Variants in TMEM120B observed in about 807,000 individuals in gnomAD.
The protein encoded by TMEM120B is transmembrane protein 120B.
TMEM120B carries 31 observed loss-of-function variants against 55.5 expected under a neutral mutation model. The observed-to-expected ratio is 0.56, with a 90% CI of 0.42 to 0.75. The LOEUF is 0.75. Ranked by LOEUF, TMEM120B falls within the 30% of genes least tolerant of loss-of-function variation. The pLI is 0.00. For synonymous variants in TMEM120B, 203 were observed against 176.3 expected, an observed-to-expected ratio of 1.15 and a Z score of -1.20; for missense variants, 399 against 425.5, an observed-to-expected ratio of 0.94 and a Z score of 0.55.
At position 121,752,174 on chromosome 12, in the gene TMEM120B, A is replaced by G; in HGVS notation, c.412A>G (p.Ile138Val). 2 of 1,613,756 alleles carry G rather than the reference A, an allele frequency of 1.2e-6. No homozygotes were observed. Among genetic ancestry groups the G allele is most frequent in the Admixed American group, 1.7e-5 (1 of 60,020 alleles). ...EYEKFKLYLTIILLLGAVACR... is the reference protein window; with the variant it reads ...EYEKFKLYLTVILLLGAVACR... ...TGAGAAGTTCAAGCTCTACCTGACCATCATCCTGCTCCTGGGTGCCGTGGC... is the reference window on the plus strand; with the variant it reads ...TGAGAAGTTCAAGCTCTACCTGACCGTCATCCTGCTCCTGGGTGCCGTGGC... Residue 138 changes from isoleucine to valine, a missense_variant, in exon 5 of 12, where the codon ATC becomes GTC. Ile to Val is a conservative substitution (Grantham distance 29). Around this residue, in one of 3 missense-constraint regions of TMEM120B, gnomAD observed 260 missense variants for 303.9 expected, o/e 0.86. Coordinates refer to ENST00000449592, the MANE Select transcript of TMEM120B (RefSeq NM_001080825.2).
rs1317811586 is a variant in TMEM120B at position 121,775,725 on chromosome 12, C to T, written c.*3C>T. ...GAGGCAAGACAAAGCAGCCGTGAGC[C>T]TCGGGCTCCTGTGCCCTCGGCCCGG... On this transcript the variant is annotated 3_prime_UTR_variant, in exon 12 of 12. Coordinates refer to ENST00000449592, the MANE Select transcript of TMEM120B (RefSeq NM_001080825.2). This position sits in a 1 kb window ranked among gnomAD's most constrained non-coding sequence, Gnocchi z 4.3. 5.0e-6 allele frequency: 8 copies of T among 1,613,666 alleles called. No homozygotes were observed. Among genetic ancestry groups the T allele is most frequent in the Non-Finnish European group, 6.8e-6 (8 of 1,179,990 alleles).
At chr12:121,769,577 G>A (rs1258110159) in intron 6 of TMEM120B, among the ~76,000 whole-genome samples, 2 of 152,150 alleles carry the variant, frequency 1.3e-5, no homozygotes, top group Non-Finnish European at 2.9e-5. Flanking sequence ...GGTGGCGCAC[G>A]CCTGTGATCC....
chr12:121,772,150 A>G (rs1874085894), intron 8 of TMEM120B, among the ~76,000 whole-genome samples: 1 of 109,770 alleles, frequency 9.1e-6, no homozygotes, highest in Non-Finnish European at 1.7e-5. Context: ...TTTCTTTCTG[A>G]TGGAGTCTTG....
At chr12:121,746,212 A>C (rs1483292380) in intron 2 of TMEM120B, among the ~76,000 whole-genome samples, 1 of 127,662 alleles carries the variant, frequency 7.8e-6, no homozygotes, top group Non-Finnish European at 1.6e-5. Flanking sequence ...TTTGAGACAG[A>C]GTTTCGCTCT....
intron 5 of TMEM120B, among the ~76,000 whole-genome samples, chr12:121,760,536 C>T (rs975798401): frequency 6.6e-6 from 1 of 152,158 alleles, no homozygotes. Flanking sequence ...CTTGAGGCAT[C>T]CTTCCCTTTG....
intron 5 of TMEM120B, among the ~76,000 whole-genome samples, chr12:121,755,629 A>G (rs1873455106): frequency 1.3e-5 from 2 of 152,194 alleles, no homozygotes; most frequent in Admixed American, 1.3e-4. Flanking sequence ...AGAGACCCCC[A>G]AGACAAGCAT....
chr12:121,721,039 A>G (rs1193279403), intron 1 of TMEM120B, among the ~76,000 whole-genome samples: 1 of 152,204 alleles, frequency 6.6e-6, no homozygotes, highest in Non-Finnish European at 1.5e-5. Context: ...CTCAGAGGAC[A>G]GCAGAGGTGG....
At chr12:121,714,671 C>T (rs772009074) in intron 1 of TMEM120B, among the ~76,000 whole-genome samples, 8 of 150,338 alleles carry the variant, frequency 5.3e-5, no homozygotes, top group Non-Finnish European at 7.4e-5. Context: ...AAGCGATTCT[C>T]CTGCCTCAGT....
rs549892964 is a variant in TMEM120B, at chr12:121,776,584, G to A, written c.*862G>A. ...ACCCCCAGGGGCCGCACCCTGAGGC[G>A]GGGTCAGAGCCACTGGGCATCGCTT... On this transcript the variant is annotated 3_prime_UTR_variant, in exon 12 of 12. Coordinates refer to ENST00000449592, the MANE Select transcript of TMEM120B (RefSeq NM_001080825.2). 6 of 152,308 alleles carry A rather than the reference G, an allele frequency of 3.9e-5. No individual in the cohort carries two copies. The highest frequency in any genetic ancestry group is 4.1e-4 in the South Asian group (2 of 4,828). 9.4% of individuals were successfully genotyped at this position (152,308 alleles called of 1,614,324 possible).
intron 1 of TMEM120B, among the ~76,000 whole-genome samples, chr12:121,735,997 C>A (rs1895102909): frequency 6.6e-6 from 1 of 151,858 alleles, no homozygotes; most frequent in Non-Finnish European, 1.5e-5. Context: ...AGATTTTAAA[C>A]AATAATCTAT....
Position 121,730,190 on chromosome 12 carries a change from C to T in TMEM120B, c.70-13439C>T, listed in dbSNP as rs1009531413. On this transcript the variant is annotated intron_variant, in intron 1 of 11. Coordinates refer to ENST00000449592, the MANE Select transcript of TMEM120B (RefSeq NM_001080825.2). Reference sequence around the variant, plus strand: ...AGGAGAATCCCTGGAACCCAGGAAGCGGAGGTTGCAGTGAGCCAGGATTGG... The same window carrying T: ...AGGAGAATCCCTGGAACCCAGGAAGTGGAGGTTGCAGTGAGCCAGGATTGG... Among the ~76,000 whole-genome samples, 3 of 149,382 alleles carry T rather than the reference C, an allele frequency of 2.0e-5. No individual in the cohort carries two copies. In the East Asian group the frequency reaches 5.9e-4, roughly 30 times the overall value.
chr12:121,750,977 A>ACCCACACCCCACACCCCACAC (rs142874398), intron 4 of TMEM120B, among the ~76,000 whole-genome samples: 1 of 6,572 alleles, frequency 1.5e-4, no homozygotes, highest in African/African-American at 8.4e-4. Context: ...CACACCCCAC[A>ACCCACACCCCACACCCCACAC]CCCACACCCC....
intron 1 of TMEM120B, among the ~76,000 whole-genome samples, chr12:121,742,638 T>C (rs986359675): frequency 3.9e-5 from 6 of 152,100 alleles, no homozygotes; most frequent in Admixed American, 3.3e-4. Context: ...CAGGCTGGAG[T>C]GAAGTGGCGT....
intron 8 of TMEM120B, among the ~76,000 whole-genome samples, chr12:121,772,090 T>A (rs1435728305): frequency 1.1e-5 from 1 of 92,842 alleles, no homozygotes; most frequent in East Asian, 2.5e-4. Flanking sequence ...TCTCTTTCTC[T>A]CTCTCTCTCT....
At chr12:121,767,154 G>C (rs1328915494) in intron 6 of TMEM120B, among the ~76,000 whole-genome samples, 1 of 151,750 alleles carries the variant, frequency 6.6e-6, no homozygotes, top group Non-Finnish European at 1.5e-5. Flanking sequence ...CTCCTGCAAG[G>C]TTTCTTTTTT....
chr12:121,713,157 G>A (rs920119749), intron 1 of TMEM120B, among the ~76,000 whole-genome samples, 193 bp downstream of exon 1: 4 of 151,970 alleles, frequency 2.6e-5, no homozygotes, highest in Non-Finnish European at 4.4e-5. Flanking sequence ...TCCACGTGGG[G>A]CGCCGGGTCG....
intron 1 of TMEM120B, among the ~76,000 whole-genome samples, chr12:121,733,091 G>A (rs1895034607): frequency 6.6e-6 from 1 of 152,100 alleles, no homozygotes; most frequent in African/African-American, 2.4e-5. Context: ...TGCCCAGAGA[G>A]GCCGTGCAAG....
At chr12:121,714,528 G>T (rs923466845) in intron 1 of TMEM120B, among the ~76,000 whole-genome samples, 1 of 148,886 alleles carries the variant, frequency 6.7e-6, no homozygotes, top group African/African-American at 2.5e-5. Flanking sequence ...TTACAGGCAT[G>T]AGCCACTGTG....
At chr12:121,751,000 C>G (rs1873295632) in intron 4 of TMEM120B, among the ~76,000 whole-genome samples, 1 of 112,634 alleles carries the variant, frequency 8.9e-6, no homozygotes, top group Non-Finnish European at 1.8e-5. Flanking sequence ...ACCCCACACC[C>G]CATATTCACA....
Sources: gnomAD v4.1 joint callset for allele counts (sites outside exome capture counted in the v4.1 genomes callset) on GRCh38, gnomAD v4.1.1 for gene constraint, gnomAD v4.1.1 regional missense constraint, Gnocchi (gnomAD v3.1) non-coding constraint, MANE v1.5 for transcripts, NCBI Gene and HGNC (gene_info 2026-07-23, HGNC 2026-07-21) for gene names.